The following FUT8 variants were observed in gnomAD, a reference collection of about 807,000 sequenced individuals.
The protein encoded by FUT8 is fucosyltransferase 8.
Under a neutral mutation model 71.3 loss-of-function variants are expected in FUT8, and 29 were observed. The ratio of observed to expected loss-of-function variants is 0.41; its 90% confidence interval spans 0.30 to 0.55. The LOEUF is 0.55. FUT8 is among the 20% of genes least tolerant of loss of function. FUT8 has a pLI of 0.34. For synonymous variants in FUT8, 254 were observed against 239.3 expected, an observed-to-expected ratio of 1.06 and a Z score of -0.57; for missense variants, 544 against 702.1, an observed-to-expected ratio of 0.77 and a Z score of 2.55.
chr14:65,531,464 T>C (rs1389173723), intron 2 of FUT8, among the ~76,000 whole-genome samples: 1 of 152,054 alleles, frequency 6.6e-6, no homozygotes, highest in Non-Finnish European at 1.5e-5. Flanking sequence ...GAATTGTACA[T>C]TGTGAGTCTT....
At chr14:65,703,770 T>C (rs927153114) in intron 7 of FUT8, among the ~76,000 whole-genome samples, 3 of 152,216 alleles carry the variant, frequency 2.0e-5, no homozygotes, top group Admixed American at 6.5e-5. Context: ...TGGTGGAATT[T>C]ATGATACTAG....
At chr14:65,581,191 T>A (rs1260146643) in intron 3 of FUT8, among the ~76,000 whole-genome samples, 1 of 152,102 alleles carries the variant, frequency 6.6e-6, no homozygotes, top group Non-Finnish European at 1.5e-5. Context: ...ACTCTGGTGA[T>A]GAGGCTCAGT....
At chr14:65,736,091 T>C (rs1443197240) in intron 10 of FUT8, among the ~76,000 whole-genome samples, 1 of 152,132 alleles carries the variant, frequency 6.6e-6, no homozygotes, top group Non-Finnish European at 1.5e-5. Context: ...GACCAATTAC[T>C]GGCTGTGTGT....
intron 2 of FUT8, among the ~76,000 whole-genome samples, chr14:65,456,178 A>G (rs1184724193): frequency 6.6e-6 from 1 of 152,202 alleles, no homozygotes; most frequent in Non-Finnish European, 1.5e-5. Context: ...ACAAATATAT[A>G]TCACCACAAT....
intron 3 of FUT8, among the ~76,000 whole-genome samples, chr14:65,570,405 G>GT (rs5809281): frequency 0.36 from 53,274 of 149,084 alleles, 11,609 homozygotes; most frequent in Non-Finnish European, 0.5. Flanking sequence ...ATATTTGCAA[G>GT]TTTTTTTTTT....
the FUT8 span, among the ~76,000 whole-genome samples, chr14:65,381,132 T>C: frequency 6.6e-6 from 1 of 152,262 alleles, no homozygotes; most frequent in South Asian, 2.1e-4. Context: ...TAAATATTTA[T>C]TGATTGCCGT....
In FUT8 at chr14:65,559,860, G is replaced by A. The variant is rs138172339; in HGVS notation, c.-227-1477G>A. 5.7e-4 allele frequency among the ~76,000 whole-genome samples: 87 copies of A among 152,190 alleles called. 1 individual carries two copies. In the East Asian group the frequency reaches 0.014, roughly 25 times the overall value. ...AAACAATGGAGTCAGTAAAAAGAGT[G>A]TTCTTGATAGATTTAAGAATAGTTA... On this transcript the variant is annotated intron_variant, in intron 2 of 10. Transcript: ENST00000673929.
intron 2 of FUT8, among the ~76,000 whole-genome samples, chr14:65,506,793 A>G (rs999107776): frequency 1.3e-5 from 2 of 152,148 alleles, no homozygotes; most frequent in Admixed American, 6.5e-5. Context: ...ATCCAAATAC[A>G]CTCTTAGTTA....
At chr14:65,402,823 C>T in the FUT8 span, among the ~76,000 whole-genome samples, 9,956 of 152,222 alleles carry the variant, frequency 0.065, 371 homozygotes, top group Admixed American at 0.11. Flanking sequence ...ACTAAATGAT[C>T]AGTCTTGAAA....
At chr14:65,492,121 C>T (rs7156029) in intron 2 of FUT8, among the ~76,000 whole-genome samples, 11,027 of 152,184 alleles carry the variant, frequency 0.072, 475 homozygotes, top group Admixed American at 0.12. Context: ...CCTAATTATA[C>T]AATTGTTGGG....
chr14:65,684,209 C>G (rs1893169778), intron 7 of FUT8, among the ~76,000 whole-genome samples: 1 of 151,832 alleles, frequency 6.6e-6, no homozygotes, highest in South Asian at 2.1e-4. Flanking sequence ...GTACATATTC[C>G]TCTGTATTTT....
intron 1 of FUT8, among the ~76,000 whole-genome samples, chr14:65,449,149 G>A (rs1293423898): frequency 6.6e-6 from 1 of 152,158 alleles, no homozygotes; most frequent in Non-Finnish European, 1.5e-5. Flanking sequence ...AGTTGATTTA[G>A]TACTAGTTTA....
At chr14:65,485,827 C>T (rs1166370381) in intron 2 of FUT8, among the ~76,000 whole-genome samples, 1 of 152,180 alleles carries the variant, frequency 6.6e-6, no homozygotes, top group African/African-American at 2.4e-5. Context: ...GGATTTCTTT[C>T]TCTTCCCTGG....
At chr14:65,672,186 G>A (rs1163194106) in intron 7 of FUT8, among the ~76,000 whole-genome samples, 7 of 152,126 alleles carry the variant, frequency 4.6e-5, no homozygotes, top group Non-Finnish European at 1.0e-4. Flanking sequence ...TTAAGTGAAG[G>A]AAAATACTAA....
chr14:65,653,851 A>G (rs1891531672), intron 6 of FUT8, among the ~76,000 whole-genome samples: 1 of 152,212 alleles, frequency 6.6e-6, no homozygotes, highest in Non-Finnish European at 1.5e-5. Flanking sequence ...TGCTGAAAGG[A>G]AAGAATTACC....
In FUT8 at chr14:65,742,447, C is replaced by A; in HGVS notation, c.*37C>A. ...AAGAGATAAACGACCAAACTCAGTT[C>A]GACCAAACTCAGTTCAAACCATTTC... On this transcript the variant is annotated 3_prime_UTR_variant, in exon 11 of 11. Transcript: ENST00000673929. 1 of 1,567,130 alleles carries A rather than the reference C, an allele frequency of 6.4e-7. No individual in the cohort carries two copies. Among genetic ancestry groups the A allele is most frequent in the South Asian group, 1.2e-5 (1 of 85,798 alleles).
At chr14:65,515,330 T>C (rs1379836431) in intron 2 of FUT8, among the ~76,000 whole-genome samples, 2 of 152,150 alleles carry the variant, frequency 1.3e-5, no homozygotes, top group Non-Finnish European at 2.9e-5. Context: ...TTACAGTTAC[T>C]GTAATTCATC....
the FUT8 span, among the ~76,000 whole-genome samples, chr14:65,384,979 C>T: frequency 2.5e-4 from 38 of 151,928 alleles, no homozygotes; most frequent in African/African-American, 8.5e-4. The surrounding 1 kb of genome is among the most constrained non-coding windows in gnomAD (Gnocchi z 4.2). Context: ...GCAACCTCCA[C>T]TGCCCGGGTT....
intron 2 of FUT8, among the ~76,000 whole-genome samples, chr14:65,511,494 A>G (rs1308412262): frequency 2.0e-5 from 3 of 152,162 alleles, no homozygotes; most frequent in African/African-American, 7.2e-5. Context: ...TGGGATGTTG[A>G]AATCTCCAGC....
Sources: gnomAD v4.1 joint callset for allele counts (sites outside exome capture counted in the v4.1 genomes callset) on GRCh38, gnomAD v4.1.1 for gene constraint, Gnocchi (gnomAD v3.1) non-coding constraint, MANE v1.5 for transcripts, NCBI Gene and HGNC (gene_info 2026-07-23, HGNC 2026-07-21) for gene names.